The following ZNF804A variants were observed in gnomAD, a reference collection of about 807,000 sequenced individuals.
ZNF804A encodes zinc finger protein 804A.
ZNF804A carries 2 observed loss-of-function variants against 16.5 expected under a neutral mutation model. The ratio of observed to expected loss-of-function variants is 0.12; its 90% CI spans 0.05 to 0.38. ZNF804A has a LOEUF of 0.38. ZNF804A is among the 10% of genes least tolerant of loss of function. The probability of loss-of-function intolerance (pLI) is 0.99; values close to 1 mark genes in which losing one functional copy is unlikely to be tolerated. For synonymous variants in ZNF804A, 534 were observed against 489.6 expected, an observed-to-expected ratio of 1.09 and a Z score of -1.20; for missense variants, 1,473 against 1,390.7, an observed-to-expected ratio of 1.06 and a Z score of -0.94.
intron 1 of ZNF804A, among the ~76,000 whole-genome samples, chr2:184,689,188 C>T (rs1404661325): frequency 1.3e-5 from 2 of 152,068 alleles, no homozygotes; most frequent in Non-Finnish European, 2.9e-5. Context: ...AGCATCTCTC[C>T]TTCGTCTCTG....
At chr2:184,885,877 A>C (rs1251486252) in intron 2 of ZNF804A, among the ~76,000 whole-genome samples, 4 of 152,154 alleles carry the variant, frequency 2.6e-5, no homozygotes, top group Non-Finnish European at 2.9e-5. Context: ...GATACAATTT[A>C]AGTTGAGATT....
intron 1 of ZNF804A, among the ~76,000 whole-genome samples, chr2:184,628,583 A>G (rs533505702): frequency 7.9e-5 from 12 of 152,060 alleles, no homozygotes; most frequent in Admixed American, 1.3e-4. Context: ...AAAATTAAAT[A>G]TTTTTCAGTG....
chr2:184,809,326 T>C (rs1285145208), intron 1 of ZNF804A, among the ~76,000 whole-genome samples: 1 of 151,752 alleles, frequency 6.6e-6, no homozygotes, highest in South Asian at 2.1e-4. Context: ...AAAGAATGAA[T>C]GAGTAGGAGA....
At chr2:184,865,226 G>T (rs1407992121) in intron 1 of ZNF804A, among the ~76,000 whole-genome samples, 1 of 151,938 alleles carries the variant, frequency 6.6e-6, no homozygotes, top group African/African-American at 2.4e-5. Flanking sequence ...TAATCTGGAA[G>T]TTAGAAACAT....
intron 2 of ZNF804A, among the ~76,000 whole-genome samples, chr2:184,882,876 C>A (rs1684830243): frequency 6.6e-6 from 1 of 151,850 alleles, no homozygotes; most frequent in Non-Finnish European, 1.5e-5. Flanking sequence ...ACTAAAGGAA[C>A]TAGAGGATCA....
chr2:184,779,117 T>C (rs1694335326), intron 1 of ZNF804A, among the ~76,000 whole-genome samples: 1 of 151,666 alleles, frequency 6.6e-6, no homozygotes, highest in Non-Finnish European at 1.5e-5. Context: ...TTTCTTCTGC[T>C]CTTAAAAAAT....
chr2:184,607,427 A>G (rs1344850419), intron 1 of ZNF804A, among the ~76,000 whole-genome samples: 1 of 152,172 alleles, frequency 6.6e-6, no homozygotes, highest in Non-Finnish European at 1.5e-5. Flanking sequence ...TCTTCACATG[A>G]TGGTGTGAAG....
chr2:184,709,168 C>T (rs961126180), intron 1 of ZNF804A, among the ~76,000 whole-genome samples: 1 of 151,980 alleles, frequency 6.6e-6, no homozygotes, highest in African/African-American at 2.4e-5. Context: ...TTGTACTGCC[C>T]TTTGGGGTAT....
chr2:184,785,390 G>T (rs377395302), intron 1 of ZNF804A, among the ~76,000 whole-genome samples: 2 of 151,928 alleles, frequency 1.3e-5, no homozygotes, highest in Non-Finnish European at 2.9e-5. Context: ...CCAACCACAC[G>T]TTTGGATAGT....
At chr2:184,760,082 T>C (rs889329820) in intron 1 of ZNF804A, among the ~76,000 whole-genome samples, 46 of 152,180 alleles carry the variant, frequency 3.0e-4, no homozygotes, top group African/African-American at 1.0e-3. Flanking sequence ...TCTTTGGTAG[T>C]GGAATGCCAT....
At chr2:184,855,234 T>C (rs926748700) in intron 1 of ZNF804A, among the ~76,000 whole-genome samples, 2 of 152,102 alleles carry the variant, frequency 1.3e-5, no homozygotes, top group African/African-American at 4.8e-5. Context: ...GTAAACTTGC[T>C]GTCATAGTCA....
At chr2:184,667,485 G>A (rs1050515918) in intron 1 of ZNF804A, among the ~76,000 whole-genome samples, 17 of 151,818 alleles carry the variant, frequency 1.1e-4, no homozygotes, top group African/African-American at 4.1e-4. Context: ...ATCTGAAATT[G>A]TGGGCCGAGG....
chr2:184,697,751 A>G (rs946516380), intron 1 of ZNF804A, among the ~76,000 whole-genome samples: 2 of 152,136 alleles, frequency 1.3e-5, no homozygotes, highest in Non-Finnish European at 2.9e-5. Flanking sequence ...GTTGTACTTC[A>G]TAATATTTTA....
intron 1 of ZNF804A, among the ~76,000 whole-genome samples, chr2:184,773,606 G>A (rs1694248610): frequency 6.6e-6 from 1 of 151,900 alleles, no homozygotes; most frequent in Non-Finnish European, 1.5e-5. Flanking sequence ...AAGCTATGAG[G>A]ATGCAAAGGC....
chr2:184,808,388 G>T (rs952655119), intron 1 of ZNF804A, among the ~76,000 whole-genome samples: 1 of 151,356 alleles, frequency 6.6e-6, no homozygotes, highest in East Asian at 1.9e-4. Context: ...ATTGATTTGG[G>T]CTCAAGTTCA....
intron 2 of ZNF804A, among the ~76,000 whole-genome samples, chr2:184,908,224 A>G (rs1361907696): frequency 6.6e-6 from 1 of 152,070 alleles, no homozygotes; most frequent in East Asian, 1.9e-4. Context: ...GCCAGCTTTA[A>G]GGGGTGACCT....
intron 1 of ZNF804A, among the ~76,000 whole-genome samples, chr2:184,855,479 T>C (rs955207419): frequency 1.3e-5 from 2 of 152,084 alleles, no homozygotes; most frequent in East Asian, 3.9e-4. Context: ...AAACATAACT[T>C]TTATAGCATG....
In ZNF804A at chr2:184,937,587, A is replaced by G; in HGVS notation, c.2191A>G (p.Ser731Gly). 1 of 1,612,672 alleles carries G rather than the reference A, an allele frequency of 6.2e-7. No homozygotes were observed. Among genetic ancestry groups the G allele is most frequent in the Non-Finnish European group, 8.5e-7 (1 of 1,179,578 alleles). Residue 731 changes from serine to glycine, a missense_variant, in exon 4 of 4, where the codon AGC (serine) becomes GGC (glycine). Transcript: ENST00000302277. ...TYCCWKTKMS[S>G]CSQDHRSLVL... The stretch of plus-strand genomic sequence containing the variant: ...CTGTTGTTGGAAAACCAAAATGTCA[A>G]GCTGTAGTCAGGATCACAGAAGCTT...
chr2:184,747,815 A>T (rs1306381294), intron 1 of ZNF804A, among the ~76,000 whole-genome samples: 1 of 151,070 alleles, frequency 6.6e-6, no homozygotes, highest in East Asian at 1.9e-4. Flanking sequence ...TCTCTCCCCC[A>T]TTTAGTAGGC....
Sources: gnomAD v4.1 joint callset for allele counts (sites outside exome capture counted in the v4.1 genomes callset) on GRCh38, gnomAD v4.1.1 for gene constraint, MANE v1.5 for transcripts, NCBI Gene and HGNC (gene_info 2026-07-23, HGNC 2026-07-21) for gene names.